The following ARID4B variants were observed in gnomAD, a reference collection of about 807,000 sequenced individuals.
ARID4B encodes AT-rich interaction domain 4B, also known as AT-rich interactive domain-containing protein 4B.
A neutral mutation model predicts 147.5 loss-of-function variants in ARID4B; 26 were observed. The observed-to-expected ratio is 0.18, with a 90% CI of 0.13 to 0.24. ARID4B has a LOEUF of 0.24. Ranked by LOEUF, ARID4B falls within the 10% of genes least tolerant of loss-of-function variation. The pLI is 1.00. For missense variants in ARID4B, 1,179 were observed against 1,511.5 expected, an observed-to-expected ratio of 0.78 and a Z score of 3.65; for synonymous variants, 512 against 507.9, an observed-to-expected ratio of 1.01 and a Z score of -0.11.
At chr1:235,187,488 C>T (rs1664778723) in intron 19 of ARID4B, among the ~76,000 whole-genome samples, 1 of 152,194 alleles carries the variant, frequency 6.6e-6, no homozygotes, top group African/African-American at 2.4e-5. Context: ...GATTTATTAA[C>T]TGATAGGCTT....
intron 2 of ARID4B, among the ~76,000 whole-genome samples, chr1:235,269,883 A>C (rs749530515): frequency 6.6e-6 from 1 of 152,158 alleles, no homozygotes; most frequent in South Asian, 2.1e-4. Context: ...TTTTCTATTA[A>C]TTATCTATTT....
chr1:235,244,271 G>A (rs2103079117), intron 7 of ARID4B, among the ~76,000 whole-genome samples: 1 of 152,246 alleles, frequency 6.6e-6, no homozygotes, highest in South Asian at 2.1e-4. Flanking sequence ...ACAGCAAATA[G>A]ACTGCTTTCC....
intron 2 of ARID4B, among the ~76,000 whole-genome samples, chr1:235,314,815 C>A (rs527362847): frequency 6.6e-6 from 1 of 152,026 alleles, no homozygotes; most frequent in East Asian, 1.9e-4. Flanking sequence ...TCGGTATATA[C>A]ATTATTTTGG....
intron 3 of ARID4B, among the ~76,000 whole-genome samples, chr1:235,258,915 G>T (rs1016475696): frequency 2.0e-5 from 3 of 152,104 alleles, no homozygotes; most frequent in African/African-American, 4.8e-5. Context: ...AATGAAAACA[G>T]GTAGTGAAAA....
chr1:235,297,411 T>C (rs1672814916), intron 2 of ARID4B, among the ~76,000 whole-genome samples: 1 of 152,194 alleles, frequency 6.6e-6, no homozygotes, highest in Admixed American at 6.5e-5. Flanking sequence ...CCTCCACTTC[T>C]AGATTTTAAA....
At chr1:235,280,608 G>A (rs1315876873) in intron 2 of ARID4B, among the ~76,000 whole-genome samples, 3 of 152,256 alleles carry the variant, frequency 2.0e-5, no homozygotes, top group Non-Finnish European at 4.4e-5. Flanking sequence ...GGCCAGGATC[G>A]CCGAAAGCAC....
chr1:235,301,848 GGGATTACA>G (rs1459714087), intron 2 of ARID4B, among the ~76,000 whole-genome samples: 9 of 151,804 alleles, frequency 5.9e-5, no homozygotes, highest in Non-Finnish European at 5.9e-5. Context: ...CCAAGTAACT[GGGATTACA>G]GGTGCCTGCT....
intron 17 of ARID4B, among the ~76,000 whole-genome samples, chr1:235,197,648 A>C (rs1409961375): frequency 6.6e-6 from 1 of 152,238 alleles, no homozygotes; most frequent in Admixed American, 6.5e-5. Flanking sequence ...ACTCATTCTC[A>C]ATCTAAGGCT....
chr1:235,204,109 G>A lies in ARID4B; in HGVS notation c.1842-7994C>T, dbSNP rs566508365. Among the ~76,000 whole-genome samples the A allele has an allele frequency of 7.0e-4, 106 of 152,212 alleles. 1 individual carries two copies. The highest frequency in any genetic ancestry group is 2.4e-3 in the African/African-American group (101 of 41,554). On this transcript the variant is annotated intron_variant, in intron 17 of 23. Coordinates refer to ENST00000264183, the MANE Select transcript of ARID4B (RefSeq NM_016374.6). ...GAGGCCAAGGCAGGCGGATCATGAC[G>A]TCAGGATTTCAAGACCAGCCTGGCC...
At chr1:235,305,978 A>G (rs1347162114) in intron 2 of ARID4B, among the ~76,000 whole-genome samples, 1 of 152,224 alleles carries the variant, frequency 6.6e-6, no homozygotes, top group Non-Finnish European at 1.5e-5. Context: ...AGAAAAAACT[A>G]CATATAATGT....
chr1:235,201,747 G>T (rs917274521), intron 17 of ARID4B, among the ~76,000 whole-genome samples: 1 of 151,980 alleles, frequency 6.6e-6, no homozygotes, highest in East Asian at 1.9e-4. Context: ...AGCTGGGCAC[G>T]GTGGCGCATG....
Position 235,182,032 on chromosome 1 carries a change from C to G in ARID4B, c.2887G>C (p.Gly963Arg). The change falls in exon 20 of 24, where the codon GGG (glycine) becomes CGG (arginine). Residue 963 changes from glycine (G) to arginine (R), a missense_variant. Gly to Arg is a moderately radical substitution (Grantham distance 125). Coordinates refer to ENST00000264183, the MANE Select transcript of ARID4B (RefSeq NM_016374.6). ...GTCTGCAGTGACTCCTCTGCCACCC[C>G]CTCCTCTGGGGCAGGATGCGGTGGG... Reference protein sequence around the residue: ...ASPPHPAPEEGVAEESLQTVA... With the variant: ...ASPPHPAPEERVAEESLQTVA... The G allele has an allele frequency of 1.2e-6, 2 of 1,614,134 alleles. No homozygotes were observed. The highest frequency in any genetic ancestry group is 8.5e-7 in the Non-Finnish European group (1 of 1,180,020).
intron 2 of ARID4B, among the ~76,000 whole-genome samples, chr1:235,262,907 T>A (rs747803266): frequency 1.3e-5 from 2 of 152,234 alleles, no homozygotes; most frequent in Non-Finnish European, 2.9e-5. Context: ...AAAATGTACA[T>A]CAATTCATCA....
At chr1:235,218,145 G>C (rs994012204) in intron 16 of ARID4B, among the ~76,000 whole-genome samples, 1 of 152,116 alleles carries the variant, frequency 6.6e-6, no homozygotes, top group African/African-American at 2.4e-5. Context: ...CTGTGGAAAA[G>C]CAGGGAGTAC....
At chr1:235,173,769 AAAATATATATATATATATATAT>A (rs1448216001) in intron 22 of ARID4B, among the ~76,000 whole-genome samples, 2 of 38,182 alleles carry the variant, frequency 5.2e-5, no homozygotes, top group Non-Finnish European at 8.6e-5. Flanking sequence ...AAAAAAAAAA[AAAATATATATATATATATATAT>A]ATATATATAT....
intron 7 of ARID4B, 92 bp downstream of exon 7, chr1:235,246,327 CA>C: frequency 9.8e-7 from 1 of 1,019,626 alleles, no homozygotes; most frequent in South Asian, 1.4e-5. Context: ...ATCTGGTTAG[CA>C]TTTTGCAAAT....
At chr1:235,201,233 G>A (rs1486652864) in intron 17 of ARID4B, among the ~76,000 whole-genome samples, 4 of 152,044 alleles carry the variant, frequency 2.6e-5, no homozygotes, top group Non-Finnish European at 5.9e-5. Flanking sequence ...AGAAATAGAA[G>A]GCCATAAAAT....
At position 235,182,550 on chromosome 1, in the gene ARID4B, GATA is replaced by G. The variant is rs1558176921; in HGVS notation, c.2366_2368del (p.Leu789del). On this transcript the variant is annotated inframe_deletion, in exon 20 of 24. Transcript: ENST00000264183. ...ATCTTCTTCATAATCAGTATCTTCG[GATA>G]ATACTTCTATATCTTTCCTTAATCT... 11 of 1,612,498 alleles carry G rather than the reference GATA, an allele frequency of 6.8e-6. No individual in the cohort carries two copies. The highest frequency in any genetic ancestry group is 1.7e-5 in the Admixed American group (1 of 59,736).
At chr1:235,204,239 T>C (rs1666156890) in intron 17 of ARID4B, among the ~76,000 whole-genome samples, 1 of 152,132 alleles carries the variant, frequency 6.6e-6, no homozygotes, top group Admixed American at 6.6e-5. Context: ...GGAGAATTGC[T>C]TGAACCCAGA....
Sources: gnomAD v4.1 joint callset for allele counts (sites outside exome capture counted in the v4.1 genomes callset) on GRCh38, gnomAD v4.1.1 for gene constraint, MANE v1.5 for transcripts, NCBI Gene and HGNC (gene_info 2026-07-23, HGNC 2026-07-21) for gene names.